Variants in PRH1 observed in about 807,000 individuals in gnomAD.
PRH1 encodes the protein salivary acidic proline-rich phosphoprotein 1/2.
Under a neutral mutation model 7.9 loss-of-function variants are expected in PRH1, and 7 were observed. That is an observed-to-expected ratio of 0.89 (90% CI 0.50 to 1.67). The LOEUF (loss-of-function observed/expected upper bound fraction) is 1.67. Ranked by LOEUF, PRH1 falls within the 40% of genes most tolerant of loss-of-function variation. The pLI, the probability that PRH1 is intolerant of heterozygous loss-of-function variation, is 0.00. For missense variants in PRH1, 109 were observed against 223.6 expected (o/e 0.49, Z 3.27); for synonymous variants, 45 against 80.8 (o/e 0.56, Z 2.38).
intron 1 of PRH1, among the ~76,000 whole-genome samples, chr12:11,135,884 C>T (rs1450756220): frequency 3.3e-5 from 5 of 151,980 alleles, no homozygotes; most frequent in East Asian, 1.9e-4. Flanking sequence ...TATAATGAGA[C>T]GAGTAATAAT....
At chr12:11,148,801 A>G (rs1322150577) in intron 1 of PRH1, among the ~76,000 whole-genome samples, 2 of 122,696 alleles carry the variant, frequency 1.6e-5, no homozygotes, top group Non-Finnish European at 3.8e-5. Flanking sequence ...CTGGCCTCAT[A>G]AAATGAGTTA....
chr12:10,989,055 G>T (rs200683424), intron 1 of PRH1, among the ~76,000 whole-genome samples: 4 of 152,090 alleles, frequency 2.6e-5, no homozygotes, highest in African/African-American at 9.7e-5. Context: ...TGATCCACCC[G>T]CCTCGGCCTC....
chr12:11,152,336 A>C (rs200737348), intron 1 of PRH1, among the ~76,000 whole-genome samples: 2 of 45,930 alleles, frequency 4.4e-5, no homozygotes, highest in Admixed American at 2.2e-4. Context: ...GAGATAGTAT[A>C]ATAATACAAG....
chr12:10,950,727 A>G (rs1394098976), intron 2 of PRH1, among the ~76,000 whole-genome samples: 1 of 152,212 alleles, frequency 6.6e-6, no homozygotes, highest in South Asian at 2.1e-4. Context: ...GTAAGGGAAA[A>G]TTAGATTGTT....
intron 2 of PRH1, among the ~76,000 whole-genome samples, chr12:10,918,224 G>A (rs557734295): frequency 6.6e-6 from 1 of 152,228 alleles, no homozygotes; most frequent in Admixed American, 6.5e-5. Context: ...TGTTGGGGCA[G>A]GACGGGGGTG....
At chr12:10,921,191 T>G (rs560566088) in intron 2 of PRH1, among the ~76,000 whole-genome samples, 1 of 152,154 alleles carries the variant, frequency 6.6e-6, no homozygotes, top group Non-Finnish European at 1.5e-5. Context: ...TTTTTTAACT[T>G]CTTAAAATAA....
At chr12:10,938,493 G>A (rs1950329760) in intron 2 of PRH1, 1 of 1,613,958 alleles carries the variant, frequency 6.2e-7, no homozygotes, top group Non-Finnish European at 8.5e-7. Flanking sequence ...ATGGCATAGA[G>A]TAGGAAGAAA....
chr12:10,951,636 G>A (rs750623415), intron 2 of PRH1, among the ~76,000 whole-genome samples: 4 of 151,992 alleles, frequency 2.6e-5, no homozygotes, highest in East Asian at 1.9e-4. Flanking sequence ...AACTGATCTC[G>A]CATCCTTAGG....
chr12:10,966,222 A>G (rs2135941561), intron 2 of PRH1, among the ~76,000 whole-genome samples: 1 of 152,312 alleles, frequency 6.6e-6, no homozygotes, highest in African/African-American at 2.4e-5. Flanking sequence ...ATGTCTAAAT[A>G]TTTGTTATTT....
intron 2 of PRH1, among the ~76,000 whole-genome samples, chr12:10,912,308 C>T (rs1010256457): frequency 2.0e-5 from 3 of 152,048 alleles, no homozygotes; most frequent in East Asian, 3.8e-4. Context: ...GGAACCATTC[C>T]GTTGCCTATT....
Position 10,917,772 on chromosome 12 carries a change from C to T in PRH1, c.-58-33497G>A, listed in dbSNP as rs569010428. 2.0e-5 allele frequency among the ~76,000 whole-genome samples: 3 copies of T among 152,210 alleles called. No homozygotes were observed. In the South Asian group the frequency reaches 6.2e-4, roughly 32 times the overall value. On this transcript the variant is annotated intron_variant, in intron 2 of 3. Transcript: ENST00000539853. Reference sequence around the variant, plus strand: ...GTAGCAGGAATGAACTCAAAACCAGCAGTACTGAGTCAGTTCTTGTTCTCT... The same window carrying T: ...GTAGCAGGAATGAACTCAAAACCAGTAGTACTGAGTCAGTTCTTGTTCTCT...
chr12:11,151,048 G>C (rs954232555), intron 1 of PRH1, among the ~76,000 whole-genome samples: 1 of 152,114 alleles, frequency 6.6e-6, no homozygotes, highest in Admixed American at 6.6e-5. Flanking sequence ...TCTGCCTCTT[G>C]CTGGGCTGGC....
intron 1 of PRH1, among the ~76,000 whole-genome samples, chr12:11,060,584 C>T (rs1343725275): frequency 6.6e-6 from 1 of 152,076 alleles, no homozygotes; most frequent in African/African-American, 2.4e-5. Context: ...TTTCTAACTA[C>T]ATATGGAAAC....
intron 2 of PRH1, among the ~76,000 whole-genome samples, chr12:10,941,559 T>TTTATTTATTATTAAAATTTA (rs1230530039): frequency 8.1e-6 from 1 of 123,524 alleles, no homozygotes; most frequent in African/African-American, 3.0e-5. Flanking sequence ...AAATTTATTA[T>TTTATTTATTATTAAAATTTA]TTATTTATTA....
chr12:10,896,559 C>T (rs1395493317), intron 2 of PRH1, among the ~76,000 whole-genome samples: 3 of 151,890 alleles, frequency 2.0e-5, no homozygotes, highest in Non-Finnish European at 2.9e-5. Context: ...GTCAGGAGTT[C>T]GAGACCAGCC....
At chr12:11,140,205 T>G (rs1040620671) in intron 1 of PRH1, among the ~76,000 whole-genome samples, 2 of 152,054 alleles carry the variant, frequency 1.3e-5, no homozygotes, top group Non-Finnish European at 2.9e-5. Flanking sequence ...CAAAGGACTT[T>G]GAAAAAATAT....
At chr12:11,056,180 A>G (rs1214335994) in intron 1 of PRH1, among the ~76,000 whole-genome samples, 1 of 152,262 alleles carries the variant, frequency 6.6e-6, no homozygotes, top group Non-Finnish European at 1.5e-5. Context: ...CTTGAGCCTA[A>G]TACTTAAATA....
chr12:11,129,573 G>A (rs904085957), intron 1 of PRH1, among the ~76,000 whole-genome samples: 3 of 143,840 alleles, frequency 2.1e-5, no homozygotes. Flanking sequence ...ACCAAAACCA[G>A]ATGGGTTATC....
chr12:10,999,037 C>T (rs1011428342), intron 1 of PRH1, among the ~76,000 whole-genome samples: 5 of 152,096 alleles, frequency 3.3e-5, no homozygotes, highest in African/African-American at 1.2e-4. Flanking sequence ...CAAACTCTAA[C>T]TAGATCCAAG....
Sources: gnomAD v4.1 joint callset for allele counts (sites outside exome capture counted in the v4.1 genomes callset) on GRCh38, gnomAD v4.1.1 for gene constraint, MANE v1.5 for transcripts, NCBI Gene and HGNC (gene_info 2026-07-23, HGNC 2026-07-21) for gene names.